ABLIM3: variants seen among roughly 807,000 people sequenced by gnomAD.
The protein encoded by ABLIM3 is actin-binding LIM protein 3.
ABLIM3 carries 61 observed loss-of-function variants against 109.5 expected under a neutral mutation model. The observed-to-expected ratio is 0.56, with a 90% CI of 0.45 to 0.69. The LOEUF (loss-of-function observed/expected upper bound fraction) is 0.69, where lower values mean the gene tolerates loss of function less well. Among genes scored for constraint, ABLIM3 ranks in the 30% least tolerant of loss-of-function variants. ABLIM3 has a pLI of 0.00. For synonymous variants in ABLIM3, 300 were observed against 324.8 expected, an observed-to-expected ratio of 0.92 and a Z score of 0.82; for missense variants, 796 against 889.5, an observed-to-expected ratio of 0.89 and a Z score of 1.34.
chr5:149,209,599 G>A (rs756330783), intron 6 of ABLIM3, among the ~76,000 whole-genome samples: 2 of 152,192 alleles, frequency 1.3e-5, no homozygotes, highest in African/African-American at 4.8e-5. Context: ...GATTGTGTTG[G>A]CATTTATACT....
chr5:149,169,760 G>T (rs986919794), intron 2 of ABLIM3, among the ~76,000 whole-genome samples: 1 of 152,184 alleles, frequency 6.6e-6, no homozygotes, highest in South Asian at 2.1e-4. Context: ...TCACATGAGA[G>T]CAGGGGCCAT....
chr5:149,245,567 A>AACAGTGAGTGGCATGATC (rs1753268647), intron 16 of ABLIM3, among the ~76,000 whole-genome samples: 1 of 147,806 alleles, frequency 6.8e-6, no homozygotes, highest in Non-Finnish European at 1.5e-5. Context: ...TGTTATCCTA[A>AACAGTGAGTGGCATGATC]ACAGTGAGTG....
chr5:149,160,624 A>T (rs1754268230), intron 2 of ABLIM3, among the ~76,000 whole-genome samples: 1 of 152,124 alleles, frequency 6.6e-6, no homozygotes. Flanking sequence ...GGTGCCAAAA[A>T]ATGACCCCAG....
intron 23 of ABLIM3, among the ~76,000 whole-genome samples, chr5:149,256,565 G>A (rs984435955): frequency 3.3e-5 from 5 of 152,188 alleles, no homozygotes. Context: ...CTTTGTAATG[G>A]ACAGGTATCA....
At chr5:149,141,768 A>G in intron 1 of ABLIM3, 114 bp downstream of exon 1, 1 of 395,330 alleles carries the variant, frequency 2.5e-6, no homozygotes. Context: ...GGGCAGGAAT[A>G]GTCCGGGGTG....
chr5:149,252,806 T>C lies in ABLIM3; in HGVS notation c.1907T>C (p.Leu636Pro). ...GTGACTACAAGAGGAAGAAACCGAC[T>C]GCCCAAGGATGTAGACAGGACCCGT... ...LLVTTRGRNR[L>P]PKDVDRTRLE... The change falls in exon 23 of 24, where the codon CTG becomes CCG. Residue 636 changes from leucine to proline, a missense_variant. Transcript: ENST00000309868. 1.9e-6 allele frequency: 3 copies of C among 1,613,498 alleles called. No individual in the cohort carries two copies. The highest frequency in any genetic ancestry group is 1.3e-5 in the African/African-American group (1 of 75,012).
At chr5:149,229,051 A>C (rs1024744029) in intron 8 of ABLIM3, among the ~76,000 whole-genome samples, 4 of 152,150 alleles carry the variant, frequency 2.6e-5, no homozygotes, top group African/African-American at 9.7e-5. Flanking sequence ...GTGACCTGTA[A>C]CATGTGTTTC....
Position 149,251,401 on chromosome 5 carries a change from G to A in ABLIM3, c.1831G>A (p.Val611Ile). 6.2e-7 allele frequency: 1 copy of A among 1,614,176 alleles called. No individual in the cohort carries two copies. The highest frequency in any genetic ancestry group is 8.5e-7 in the Non-Finnish European group (1 of 1,180,026). The change falls in exon 21 of 24, where the codon GTC becomes ATC. Residue 611 changes from valine to isoleucine, a missense_variant. Coordinates refer to ENST00000309868, the MANE Select transcript of ABLIM3 (RefSeq NM_014945.5). ...DLFHYDSMNAVNWGMREYKIY... is the reference protein window; with the variant it reads ...DLFHYDSMNAINWGMREYKIY... ...CTTCCACTACGACAGCATGAACGCA[G>A]TCAACTGGGGCATGCGAGGTGAGTG...
intron 8 of ABLIM3, 66 bp from the exon 9 acceptor site, chr5:149,230,583 G>A (rs1362450770): frequency 6.5e-7 from 1 of 1,541,334 alleles, no homozygotes; most frequent in African/African-American, 1.4e-5. Flanking sequence ...GAATCAAGGT[G>A]GGACATGGGG....
chr5:149,155,367 T>G (rs1201714488), intron 2 of ABLIM3, among the ~76,000 whole-genome samples: 3 of 152,168 alleles, frequency 2.0e-5, no homozygotes, highest in Admixed American at 2.0e-4. Context: ...ATGAAATCAA[T>G]GATGCACAGG....
At chr5:149,172,077 T>C (rs907152273) in intron 2 of ABLIM3, among the ~76,000 whole-genome samples, 11 of 152,242 alleles carry the variant, frequency 7.2e-5, no homozygotes, top group Non-Finnish European at 1.6e-4. Flanking sequence ...GCTACCATTT[T>C]GGACAGCACA....
At chr5:149,231,157 T>C (rs141689538) in intron 9 of ABLIM3, among the ~76,000 whole-genome samples, 1 of 152,362 alleles carries the variant, frequency 6.6e-6, no homozygotes, top group East Asian at 1.9e-4. Flanking sequence ...CAAGAAATTC[T>C]ATCTTTGCCT....
chr5:149,240,684 A>G lies in ABLIM3; in HGVS notation c.1213A>G (p.Ser405Gly), dbSNP rs776618332. The change falls in exon 14 of 24, where the codon AGT becomes GGT. Residue 405 changes from serine to glycine, a missense_variant. Ser to Gly is a moderately conservative substitution (Grantham distance 56). Transcript: ENST00000309868. ...PHHYYRSGPESGRSSPYHSQL... is the reference protein window; with the variant it reads ...PHHYYRSGPEGGRSSPYHSQL... ...CTTCCTGCGTGCTCCAGGGCCCGAG[A>G]GTGGCCGGAGCTCTCCATACCATAG... 26 of 1,613,756 alleles carry G rather than the reference A, an allele frequency of 1.6e-5. No individual in the cohort carries two copies. Among genetic ancestry groups the G allele is most frequent in the Non-Finnish European group, 2.1e-5 (25 of 1,179,928 alleles).
intron 8 of ABLIM3, chr5:149,218,663 C>T (rs1290685220): frequency 6.6e-6 from 1 of 152,246 alleles, no homozygotes; most frequent in Non-Finnish European, 1.5e-5. Flanking sequence ...GAACTCATGG[C>T]CCTTTCCCTT....
chr5:149,246,375 A>C (rs1753352068), intron 16 of ABLIM3, 107 bp from the exon 17 acceptor site: 1 of 1,068,784 alleles, frequency 9.4e-7, no homozygotes, highest in African/African-American at 1.6e-5. Flanking sequence ...TTGAAAAATA[A>C]GATTAAAAAG....
chr5:149,246,621 A>C, intron 17 of ABLIM3, 75 bp downstream of exon 17: 1 of 1,490,096 alleles, frequency 6.7e-7, no homozygotes, highest in South Asian at 1.3e-5. Flanking sequence ...TACAAGCAAC[A>C]AAAAACAGAT....
chr5:149,242,237 A>G (rs1334338315), intron 14 of ABLIM3, among the ~76,000 whole-genome samples: 1 of 152,140 alleles, frequency 6.6e-6, no homozygotes, highest in African/African-American at 2.4e-5. Flanking sequence ...TTCAAGCCCC[A>G]GGTCTCTTCC....
intron 5 of ABLIM3, among the ~76,000 whole-genome samples, chr5:149,202,150 G>A (rs1758557220): frequency 6.6e-6 from 1 of 152,206 alleles, no homozygotes; most frequent in Non-Finnish European, 1.5e-5. Context: ...GTGTGTTACT[G>A]TATGCATTTG....
At chr5:149,213,311 G>A (rs1002578107) in intron 7 of ABLIM3, among the ~76,000 whole-genome samples, 17 of 152,178 alleles carry the variant, frequency 1.1e-4, no homozygotes, top group African/African-American at 3.6e-4. Flanking sequence ...CAGTGAAAGC[G>A]ACTCAGAAAG....
Sources: gnomAD v4.1 joint callset for allele counts (sites outside exome capture counted in the v4.1 genomes callset) on GRCh38, gnomAD v4.1.1 for gene constraint, MANE v1.5 for transcripts, NCBI Gene and HGNC (gene_info 2026-07-23, HGNC 2026-07-21) for gene names.